SEPSECS: variants seen among roughly 807,000 people sequenced by gnomAD.
SEPSECS encodes O-phosphoseryl-tRNA(Sec) selenium transferase.
SEPSECS carries 42 observed loss-of-function variants against 52.1 expected under a neutral mutation model. The ratio of observed to expected loss-of-function variants is 0.81; its 90% CI spans 0.63 to 1.04. The LOEUF is 1.04. SEPSECS is among the 50% of genes least tolerant of loss of function. The pLI is 0.00. For missense variants in SEPSECS, 590 were observed against 610.6 expected (o/e 0.97, Z 0.36); for synonymous variants, 216 against 211.4 (o/e 1.02, Z -0.19).
intron 5 of SEPSECS, among the ~76,000 whole-genome samples, chr4:25,153,208 A>C (rs545230980): frequency 1.1e-4 from 16 of 152,084 alleles, no homozygotes; most frequent in Admixed American, 3.9e-4. Context: ...CAAACTAATC[A>C]GATGATGTTT....
chr4:25,158,364 A>G (rs1470090551), intron 2 of SEPSECS, among the ~76,000 whole-genome samples: 1 of 152,250 alleles, frequency 6.6e-6, no homozygotes, highest in Non-Finnish European at 1.5e-5. Context: ...TAGTGGACAG[A>G]GCAATGAGTG....
intron 5 of SEPSECS, 81 bp downstream of exon 5, chr4:25,154,917 A>G (rs1243218909): frequency 6.6e-6 from 9 of 1,371,054 alleles, no homozygotes; most frequent in Non-Finnish European, 9.3e-6. Context: ...GTGAAGTGTT[A>G]TTTAAGCATA....
intron 8 of SEPSECS, among the ~76,000 whole-genome samples, chr4:25,138,686 T>C (rs1347617694): frequency 6.6e-6 from 1 of 152,168 alleles, no homozygotes; most frequent in Non-Finnish European, 1.5e-5. Context: ...TATCTACCTA[T>C]GTATAAGTGT....
intron 10 of SEPSECS, chr4:25,125,252 A>G (rs1728312118): frequency 6.3e-6 from 1 of 159,642 alleles, no homozygotes; most frequent in Admixed American, 6.1e-5. Context: ...GAAAAAGTAA[A>G]ATTTTCTGAG....
chr4:25,150,756 A>G (rs1001700403), intron 6 of SEPSECS, among the ~76,000 whole-genome samples: 2 of 152,196 alleles, frequency 1.3e-5, no homozygotes, highest in Non-Finnish European at 2.9e-5. Flanking sequence ...CTGCAATCCC[A>G]GCACTTTGTG....
intron 3 of SEPSECS, among the ~76,000 whole-genome samples, chr4:25,156,508 T>C (rs1712649734): frequency 6.6e-6 from 1 of 151,258 alleles, no homozygotes; most frequent in Admixed American, 6.6e-5. Flanking sequence ...ATCGAGACCA[T>C]CCTGGCTAAC....
In SEPSECS at chr4:25,144,853, G is replaced by A. The variant is rs551551280; in HGVS notation, c.947C>T (p.Ala316Val). The A allele has an allele frequency of 1.9e-6, 3 of 1,612,506 alleles. No homozygotes were observed. The highest frequency in any genetic ancestry group is 1.7e-6 in the Non-Finnish European group (2 of 1,178,706). Residue 316 changes from alanine to valine, a missense_variant, in exon 8 of 11, where the codon GCT becomes GTT. Transcript: ENST00000382103. ...AATAAGGACATCTAAAGAAGGTGAAGCTGAAGCTCTTCCTGAAATAAGAAG... is the reference window on the plus strand; with the variant it reads ...AATAAGGACATCTAAAGAAGGTGAAACTGAAGCTCTTCCTGAAATAAGAAG... ...ISKMYPGRASASPSLDVLITL... is the reference protein window; with the variant it reads ...ISKMYPGRASVSPSLDVLITL...
Position 25,121,189 on chromosome 4 carries a change from T to C in SEPSECS, c.*2742A>G, listed in dbSNP as rs558259329. 4 of 152,144 alleles carry C rather than the reference T, an allele frequency of 2.6e-5. No homozygotes were observed. 9.4% of individuals were successfully genotyped at this position (152,144 alleles called of 1,614,324 possible). ...TTCCTAAGGCTGGCGTCACATATCA[T>C]TCCCTGATAGAGCGAGAATTCATCA... On this transcript the variant is annotated 3_prime_UTR_variant, in exon 11 of 11. Transcript: ENST00000382103.
chr4:25,140,288 C>T (rs1461155443), intron 8 of SEPSECS, among the ~76,000 whole-genome samples: 1 of 152,228 alleles, frequency 6.6e-6, no homozygotes, highest in African/African-American at 2.4e-5. Context: ...AAGCAAACAA[C>T]ATATATCCTC....
rs987794756 is a variant in SEPSECS at position 25,122,891 on chromosome 4, T to C, written c.*1040A>G. 3 of 152,160 alleles carry C rather than the reference T, an allele frequency of 2.0e-5. No homozygotes were observed. The highest frequency in any genetic ancestry group is 4.4e-5 in the Non-Finnish European group (3 of 68,014). The allele number at this position is 152,160 out of a possible 1,614,324, so 9.4% of individuals were successfully genotyped here. ...TGTTTATCATACTATGTGATTTTCA[T>C]CTTCCTGGCAAAAATATGTTCAAAA... On this transcript the variant is annotated 3_prime_UTR_variant, in exon 11 of 11. Transcript: ENST00000382103.
chr4:25,160,338 C>T lies in SEPSECS; in HGVS notation c.32G>A (p.Arg11Gln), dbSNP rs963475810. The stretch of plus-strand genomic sequence containing the variant: ...CCGCACGTAAGCCGGCGACACCAGC[C>T]GCTCTCCCGCCGCGAAGCTCTCGCG... MNRESFAAGERLVSPAYVRQG... is the reference protein window; with the variant it reads MNRESFAAGEQLVSPAYVRQG... Residue 11 changes from arginine to glutamine, a missense_variant, in exon 1 of 11, where the codon CGG becomes CAG. Coordinates refer to ENST00000382103, the MANE Select transcript of SEPSECS (RefSeq NM_016955.4). 4.5e-6 allele frequency: 7 copies of T among 1,548,496 alleles called. No individual in the cohort carries two copies. The African/African-American group carries it at 5.5e-5, about 12-fold the overall frequency.
intron 8 of SEPSECS, among the ~76,000 whole-genome samples, chr4:25,128,468 A>C (rs1315180784): frequency 2.6e-5 from 4 of 151,640 alleles, no homozygotes; most frequent in Non-Finnish European, 5.9e-5. Context: ...AAAACAAAAC[A>C]AAAAAAGGCA....
chr4:25,134,853 A>C (rs1470925707), intron 8 of SEPSECS, among the ~76,000 whole-genome samples: 1 of 152,194 alleles, frequency 6.6e-6, no homozygotes, highest in Non-Finnish European at 1.5e-5. Context: ...AAAGAACTGA[A>C]ATCATAACAG....
Position 25,152,081 on chromosome 4 carries a change from A to C in SEPSECS, c.702-19T>G. On this transcript the variant is annotated intron_variant, in intron 5 of 10. Coordinates refer to ENST00000382103, the MANE Select transcript of SEPSECS (RefSeq NM_016955.4). Reference sequence around the variant, plus strand: ...TTCTAATCTATAAACATAAATATTCAATAGAAAGACATACTCACACTGTGT... The same window carrying C: ...TTCTAATCTATAAACATAAATATTCCATAGAAAGACATACTCACACTGTGT... The C allele has an allele frequency of 7.5e-7, 1 of 1,335,480 alleles. No individual in the cohort carries two copies. Among genetic ancestry groups the C allele is most frequent in the South Asian group, 1.2e-5 (1 of 85,250 alleles). 82.7% of individuals were successfully genotyped at this position (1,335,480 alleles called of 1,614,324 possible). A position where few individuals can be genotyped will look rare whatever the true frequency, so the allele number is the denominator to read the frequency against.
At chr4:25,142,025 C>G (rs1711580577) in intron 8 of SEPSECS, among the ~76,000 whole-genome samples, 1 of 152,208 alleles carries the variant, frequency 6.6e-6, no homozygotes, top group South Asian at 2.1e-4. Flanking sequence ...GCCTGTAATC[C>G]CAACACCCTG....
chr4:25,128,775 A>G (rs1728495038), intron 8 of SEPSECS, among the ~76,000 whole-genome samples: 1 of 152,034 alleles, frequency 6.6e-6, no homozygotes, highest in Admixed American at 6.6e-5. Flanking sequence ...AGGATACAAC[A>G]AACAGCCAGG....
intron 1 of SEPSECS, 24 bp from the exon 2 acceptor site, chr4:25,159,131 G>A: frequency 7.0e-7 from 1 of 1,430,414 alleles, no homozygotes; most frequent in Non-Finnish European, 9.5e-7. Flanking sequence ...AAAAACTTAT[G>A]ATTATATTTA....
chr4:25,123,445 G>A lies in SEPSECS; in HGVS notation c.*486C>T, dbSNP rs977819601. 4.1e-5 allele frequency: 7 copies of A among 170,132 alleles called. No homozygotes were observed. The highest frequency in any genetic ancestry group is 3.1e-4 in the East Asian group (2 of 6,408). The allele number at this position is 170,132 out of a possible 1,614,324, so 10.5% of individuals were successfully genotyped here. ...AGACCCACTGCTTTTGAGTCAAAAC[G>A]AAAGTTTATACCTTGACTCTGCTTC... is the stretch of plus-strand genomic sequence containing the variant. On this transcript the variant is annotated 3_prime_UTR_variant, in exon 11 of 11. Coordinates refer to ENST00000382103, the MANE Select transcript of SEPSECS (RefSeq NM_016955.4).
Position 25,160,381 on chromosome 4 carries a change from C to T in SEPSECS, c.-12G>A. 2 of 1,540,984 alleles carry T rather than the reference C, an allele frequency of 1.3e-6. No homozygotes were observed. The highest frequency in any genetic ancestry group is 1.8e-6 in the Non-Finnish European group (2 of 1,139,392). On this transcript the variant is annotated 5_prime_UTR_variant, in exon 1 of 11. Coordinates refer to ENST00000382103, the MANE Select transcript of SEPSECS (RefSeq NM_016955.4). ...CTCTCGCGGTTCATGACAGCGGTGGCGACAGTGGCGAATAAGCGGGAGCAC... is the reference window on the plus strand; with the variant it reads ...CTCTCGCGGTTCATGACAGCGGTGGTGACAGTGGCGAATAAGCGGGAGCAC...
Sources: gnomAD v4.1 joint callset for allele counts (sites outside exome capture counted in the v4.1 genomes callset) on GRCh38, gnomAD v4.1.1 for gene constraint, MANE v1.5 for transcripts, NCBI Gene and HGNC (gene_info 2026-07-23, HGNC 2026-07-21) for gene names.